OPCML: variants seen among roughly 807,000 people sequenced by gnomAD.
The protein encoded by OPCML is opioid-binding protein/cell adhesion molecule.
OPCML carries 13 observed loss-of-function variants against 37.8 expected under a neutral mutation model. The observed-to-expected ratio is 0.34, with a 90% confidence interval of 0.22 to 0.55. OPCML has a LOEUF of 0.55. OPCML is among the 20% of genes least tolerant of loss of function. The pLI is 0.91. For synonymous variants in OPCML, 176 were observed against 168.8 expected, an observed-to-expected ratio of 1.04 and a Z score of -0.33; for missense variants, 341 against 435.6, an observed-to-expected ratio of 0.78 and a Z score of 1.93.
At chr11:133,531,539 T>C (rs1219100687) in intron 1 of OPCML, among the ~76,000 whole-genome samples, 1 of 152,094 alleles carries the variant, frequency 6.6e-6, no homozygotes, top group Non-Finnish European at 1.5e-5. Context: ...GATTCCGAAT[T>C]TCAAGGGCAT....
intron 2 of OPCML, among the ~76,000 whole-genome samples, chr11:132,757,024 C>T (rs1946074609): frequency 6.6e-6 from 1 of 152,136 alleles, no homozygotes; most frequent in Admixed American, 6.5e-5. Flanking sequence ...TTGTTCAACT[C>T]CCACTTATGA....
chr11:132,919,762 C>T (rs569545019), intron 2 of OPCML, among the ~76,000 whole-genome samples: 1 of 152,308 alleles, frequency 6.6e-6, no homozygotes, highest in South Asian at 2.1e-4. Flanking sequence ...AGAGGCCATG[C>T]TGTTCATCTC....
chr11:132,534,011 C>T (rs1277953055), intron 3 of OPCML, among the ~76,000 whole-genome samples: 1 of 152,158 alleles, frequency 6.6e-6, no homozygotes, highest in African/African-American at 2.4e-5. Flanking sequence ...TCCCTATAAA[C>T]ATAATGTATG....
At chr11:133,034,792 C>A (rs1014255591) in intron 1 of OPCML, among the ~76,000 whole-genome samples, 4 of 148,682 alleles carry the variant, frequency 2.7e-5, no homozygotes, top group African/African-American at 1.0e-4. Flanking sequence ...GGAACAAGTA[C>A]TAAGCCTATA....
chr11:132,522,130 G>A (rs1413213802), intron 4 of OPCML, among the ~76,000 whole-genome samples: 3 of 152,156 alleles, frequency 2.0e-5, no homozygotes, highest in African/African-American at 7.2e-5. Context: ...TGCCTTTCAG[G>A]TCCATCCAAG....
chr11:133,453,606 T>C (rs1050613243), intron 1 of OPCML, among the ~76,000 whole-genome samples: 20 of 152,216 alleles, frequency 1.3e-4, no homozygotes, highest in African/African-American at 4.6e-4. Context: ...CAGCCCTGGC[T>C]ACCCTTGGGA....
At chr11:132,999,640 G>T (rs1013107433) in intron 1 of OPCML, among the ~76,000 whole-genome samples, 1 of 151,968 alleles carries the variant, frequency 6.6e-6, no homozygotes, top group Admixed American at 6.5e-5. Flanking sequence ...TTGTAGCTCT[G>T]CGTGCTGCCA....
chr11:132,739,513 T>C (rs1461698536), intron 2 of OPCML, among the ~76,000 whole-genome samples: 2 of 152,174 alleles, frequency 1.3e-5, no homozygotes, highest in Non-Finnish European at 2.9e-5. Flanking sequence ...CAACCAGCTA[T>C]AGCCAAGAAA....
At chr11:132,734,105 C>T (rs1465095341) in intron 2 of OPCML, among the ~76,000 whole-genome samples, 1 of 152,110 alleles carries the variant, frequency 6.6e-6, no homozygotes, top group African/African-American at 2.4e-5. Context: ...ATCTAAAGTA[C>T]TTATCATAAT....
chr11:133,210,347 G>T (rs1214404502), intron 1 of OPCML, among the ~76,000 whole-genome samples: 3 of 152,080 alleles, frequency 2.0e-5, no homozygotes, highest in Non-Finnish European at 2.9e-5. Flanking sequence ...AAATGATGTG[G>T]TTTTTGCCTG....
chr11:133,233,786 A>ATCTG (rs2136393369), intron 1 of OPCML, among the ~76,000 whole-genome samples: 1 of 152,292 alleles, frequency 6.6e-6, no homozygotes, highest in South Asian at 2.1e-4. Flanking sequence ...TCTCCTGTTA[A>ATCTG]TCTGTCTTTT....
intron 2 of OPCML, among the ~76,000 whole-genome samples, chr11:132,766,658 G>A (rs1427904446): frequency 6.6e-6 from 1 of 152,028 alleles, no homozygotes; most frequent in Non-Finnish European, 1.5e-5. Flanking sequence ...CTCACACTGA[G>A]GATTAGGATT....
intron 1 of OPCML, among the ~76,000 whole-genome samples, chr11:133,154,555 A>T (rs1237325388): frequency 3.3e-5 from 5 of 151,870 alleles, no homozygotes; most frequent in African/African-American, 4.8e-5. Flanking sequence ...CAGCATTAAA[A>T]AATAATAATA....
chr11:132,840,011 A>G (rs1941221106), intron 2 of OPCML, among the ~76,000 whole-genome samples: 1 of 152,150 alleles, frequency 6.6e-6, no homozygotes, highest in Non-Finnish European at 1.5e-5. Flanking sequence ...GGGGAGGAGA[A>G]AGCCCCTGGG....
intron 2 of OPCML, among the ~76,000 whole-genome samples, chr11:132,667,595 G>A (rs1005815021): frequency 6.6e-6 from 1 of 152,136 alleles, no homozygotes; most frequent in Non-Finnish European, 1.5e-5. Context: ...GTATATGAAG[G>A]AAAGATGCTC....
chr11:133,452,764 GTTC>G (rs1277134879), intron 1 of OPCML, among the ~76,000 whole-genome samples: 5 of 151,694 alleles, frequency 3.3e-5, no homozygotes, highest in African/African-American at 1.2e-4. Context: ...ACCTTGATGT[GTTC>G]TTCTGTCAAA....
At chr11:132,744,110 A>G (rs555446805) in intron 2 of OPCML, among the ~76,000 whole-genome samples, 1 of 152,330 alleles carries the variant, frequency 6.6e-6, no homozygotes, top group South Asian at 2.1e-4. Context: ...CTATGTTTTA[A>G]AATATATTAT....
chr11:132,778,777 AT>A (rs1946892321), intron 2 of OPCML, among the ~76,000 whole-genome samples: 1 of 152,288 alleles, frequency 6.6e-6, no homozygotes, highest in Non-Finnish European at 1.5e-5. Flanking sequence ...ATTAAAAGAT[AT>A]GTCCAAAGTC....
intron 2 of OPCML, among the ~76,000 whole-genome samples, chr11:132,769,016 G>T (rs1417671314): frequency 6.6e-6 from 1 of 151,816 alleles, no homozygotes; most frequent in Non-Finnish European, 1.5e-5. Flanking sequence ...CTCCTTTCCT[G>T]ACTGAAATTG....
Sources: allele counts gnomAD v4.1 joint callset (sites outside exome capture counted in the v4.1 genomes callset), GRCh38; gene constraint gnomAD v4.1.1; transcripts MANE v1.5; gene names NCBI Gene and HGNC (gene_info 2026-07-23, HGNC 2026-07-21).